CLYBL: variants seen among roughly 807,000 people sequenced by gnomAD.
CLYBL encodes the protein citramalyl-CoA lyase, also known as citramalyl-CoA lyase, mitochondrial.
In CLYBL, 31 loss-of-function variants were observed where a neutral mutation model predicts 38.9. That is an observed-to-expected ratio of 0.80 (90% confidence interval 0.60 to 1.08). The LOEUF (loss-of-function observed/expected upper bound fraction) is 1.08. Ranked by LOEUF, CLYBL falls within the 50% of genes least tolerant of loss-of-function variation. The pLI is 0.00. For missense variants in CLYBL, 434 were observed against 411.6 expected, an observed-to-expected ratio of 1.05 and a Z score of -0.47; for synonymous variants, 171 against 158.6, an observed-to-expected ratio of 1.08 and a Z score of -0.59.
rs764810308 is a variant in CLYBL, at chr13:99,885,124, C to G, written c.928-6194C>G. ...GTCAAAGGTACGTGAGGCCTGGCGCCTCCCCACAGGGGCCTCACAGTGTTG... is the reference window on the plus strand; with the variant it reads ...GTCAAAGGTACGTGAGGCCTGGCGCGTCCCCACAGGGGCCTCACAGTGTTG... On this transcript the variant is annotated intron_variant, in intron 7 of 8. Transcript: ENST00000339105. The G allele has an allele frequency of 5.7e-6, 3 of 525,298 alleles. No homozygotes were observed. In the African/African-American group the frequency reaches 5.8e-5, roughly 10 times the overall value. The allele number at this position is 525,298 out of a possible 1,614,324, so 32.5% of individuals were successfully genotyped here.
At chr13:99,831,388 A>AT (rs2050800282) in intron 2 of CLYBL, among the ~76,000 whole-genome samples, 1 of 152,286 alleles carries the variant, frequency 6.6e-6, no homozygotes, top group African/African-American at 2.4e-5. Context: ...AATAATAAGA[A>AT]TAAAAGAACT....
At chr13:99,722,917 T>A (rs2048416185) in intron 1 of CLYBL, among the ~76,000 whole-genome samples, 1 of 152,204 alleles carries the variant, frequency 6.6e-6, no homozygotes, top group Non-Finnish European at 1.5e-5. Flanking sequence ...CTTTCTCCCC[T>A]GTTTTAAGAA....
At chr13:99,839,679 C>G (rs955870293) in intron 2 of CLYBL, among the ~76,000 whole-genome samples, 128 of 151,872 alleles carry the variant, frequency 8.4e-4, no homozygotes, top group African/African-American at 2.7e-3. Context: ...AAAGATTAAT[C>G]TTTTAAAAAT....
chr13:99,904,036 C>A (rs1408940238), intron 8 of CLYBL, among the ~76,000 whole-genome samples: 5 of 146,644 alleles, frequency 3.4e-5, no homozygotes, highest in African/African-American at 1.0e-4. Context: ...CAGAGTGAGA[C>A]CCCTCTCTTA....
intron 2 of CLYBL, among the ~76,000 whole-genome samples, chr13:99,786,776 C>T (rs1006116909): frequency 7.1e-5 from 10 of 140,382 alleles, no homozygotes; most frequent in East Asian, 2.1e-4. Context: ...CTTGAGGAAT[C>T]GCCACACTGT....
At chr13:99,793,734 A>G (rs2049965503) in intron 2 of CLYBL, among the ~76,000 whole-genome samples, 3 of 152,160 alleles carry the variant, frequency 2.0e-5, no homozygotes, top group South Asian at 2.1e-4. Context: ...AAAGAGATGC[A>G]GGCTTTAAAT....
chr13:99,886,457 C>T (rs1049907281), intron 7 of CLYBL, among the ~76,000 whole-genome samples: 2 of 152,244 alleles, frequency 1.3e-5, no homozygotes, highest in Non-Finnish European at 2.9e-5. Flanking sequence ...AACTACAGTT[C>T]GATGGTGACT....
chr13:99,772,177 A>G (rs560138987), intron 1 of CLYBL, among the ~76,000 whole-genome samples: 18 of 151,930 alleles, frequency 1.2e-4, no homozygotes, highest in Admixed American at 9.2e-4. Flanking sequence ...TTTTGGATAG[A>G]TATTTTCTTT....
At chr13:99,852,453 C>T (rs1467609855) in intron 2 of CLYBL, among the ~76,000 whole-genome samples, 2 of 152,160 alleles carry the variant, frequency 1.3e-5, no homozygotes, top group African/African-American at 4.8e-5. Context: ...TATGAATACA[C>T]TAACAGCCAC....
At chr13:99,783,866 C>T (rs943882289) in intron 2 of CLYBL, 1 of 122,314 alleles carries the variant, frequency 8.2e-6, no homozygotes, top group Admixed American at 8.5e-5. Flanking sequence ...GTCTTATATG[C>T]CTCAAGAAAA....
chr13:99,830,076 C>T (rs1293609532), intron 2 of CLYBL, among the ~76,000 whole-genome samples: 8 of 152,102 alleles, frequency 5.3e-5, no homozygotes, highest in African/African-American at 1.7e-4. Context: ...GCTCTCCCCC[C>T]GGCATCAGAG....
intron 1 of CLYBL, among the ~76,000 whole-genome samples, chr13:99,754,747 G>GC (rs1163051956): frequency 1.1e-5 from 1 of 89,908 alleles, no homozygotes; most frequent in African/African-American, 3.8e-5. Context: ...ACCATGCCCA[G>GC]CTTTTTTTTT....
chr13:99,840,254 A>T (rs1179468484), intron 2 of CLYBL, among the ~76,000 whole-genome samples: 9 of 4,176 alleles, frequency 2.2e-3, no homozygotes, highest in African/African-American at 6.8e-3. Flanking sequence ...CCTTTCCTTA[A>T]AAAAAAAAAA....
intron 2 of CLYBL, among the ~76,000 whole-genome samples, chr13:99,785,191 CTTTTTT>C (rs58550861): frequency 0.26 from 8,718 of 33,496 alleles, 777 homozygotes; most frequent in Non-Finnish European, 0.34. Context: ...CCCCGCCTGG[CTTTTTT>C]TTTTTTTTTT....
At chr13:99,770,812 C>T (rs186960592) in intron 1 of CLYBL, among the ~76,000 whole-genome samples, 51 of 152,110 alleles carry the variant, frequency 3.4e-4, no homozygotes, top group South Asian at 6.2e-4. Context: ...ATCTCCACCT[C>T]CTGGGTTCAA....
chr13:99,792,180 G>A (rs2049931498), intron 2 of CLYBL, among the ~76,000 whole-genome samples: 1 of 152,084 alleles, frequency 6.6e-6, no homozygotes, highest in South Asian at 2.1e-4. Context: ...AGCAGTTCTC[G>A]GAAGAAAGGG....
chr13:99,734,587 G>C (rs2048638428), intron 1 of CLYBL, among the ~76,000 whole-genome samples: 1 of 152,084 alleles, frequency 6.6e-6, no homozygotes, highest in African/African-American at 2.4e-5. Flanking sequence ...ACACGGGGCT[G>C]GGATTTGATA....
At chr13:99,815,247 G>C (rs1333550836) in intron 2 of CLYBL, among the ~76,000 whole-genome samples, 4 of 152,172 alleles carry the variant, frequency 2.6e-5, no homozygotes, top group Admixed American at 1.3e-4. Flanking sequence ...CTTGCGTGCT[G>C]CAAGATATAA....
At chr13:99,633,678 T>C (rs1170271181) in intron 1 of CLYBL, among the ~76,000 whole-genome samples, 1 of 152,088 alleles carries the variant, frequency 6.6e-6, no homozygotes, top group Non-Finnish European at 1.5e-5. Flanking sequence ...GAGCTAGTGG[T>C]GAGGCTTGTA....
Sources: allele counts gnomAD v4.1 joint callset (sites outside exome capture counted in the v4.1 genomes callset), GRCh38; gene constraint gnomAD v4.1.1; transcripts MANE v1.5; gene names NCBI Gene and HGNC (gene_info 2026-07-23, HGNC 2026-07-21).